The following FCHO2 variants were observed in gnomAD, a reference collection of about 807,000 sequenced individuals.
FCHO2 encodes the protein FCH and mu domain containing endocytic adaptor 2.
FCHO2 carries 43 observed loss-of-function variants against 114.1 expected under a neutral mutation model. The observed-to-expected ratio is 0.38, with a 90% CI of 0.30 to 0.49. The LOEUF is 0.49. Among genes scored for constraint, FCHO2 ranks in the 20% least tolerant of loss-of-function variants. The pLI, the probability that FCHO2 is intolerant of heterozygous loss-of-function variation, is 0.97. For synonymous variants in FCHO2, 293 were observed against 315.2 expected, an observed-to-expected ratio of 0.93 and a Z score of 0.75; for missense variants, 807 against 950.4, an observed-to-expected ratio of 0.85 and a Z score of 1.98.
intron 8 of FCHO2, chr5:73,021,347 G>C (rs1326017858): frequency 2.6e-6 from 1 of 388,000 alleles, no homozygotes; most frequent in East Asian, 5.7e-5. Context: ...AAGGAGGGAG[G>C]GTGAGAAAGG....
chr5:73,076,108 A>G (rs1007906347), intron 20 of FCHO2, among the ~76,000 whole-genome samples: 2 of 152,170 alleles, frequency 1.3e-5, no homozygotes, highest in South Asian at 2.1e-4. Flanking sequence ...GAGAGAACCA[A>G]TAGACCCGTG....
At position 73,085,350 on chromosome 5, in the gene FCHO2, A is replaced by T. The variant is rs143528734; in HGVS notation, c.2246-2239A>T. Among the ~76,000 whole-genome samples the T allele has an allele frequency of 3.6e-3, 542 of 152,308 alleles. 5 individuals carry two copies. Among genetic ancestry groups the T allele is most frequent in the African/African-American group, 0.013 (527 of 41,570 alleles). On this transcript the variant is annotated intron_variant, in intron 24 of 25. Coordinates refer to ENST00000430046, the MANE Select transcript of FCHO2 (RefSeq NM_138782.3). ...GCGCAGAGACTCCGTCTCAAAAAAT[A>T]AAAAAATGAGATACAAATTTTCTAA...
At chr5:73,052,662 GGCTTAATTTT>G (rs1757393891) in intron 13 of FCHO2, 155 bp downstream of exon 13, 1 of 648,888 alleles carries the variant, frequency 1.5e-6, no homozygotes, top group Non-Finnish European at 2.4e-6. Flanking sequence ...TTGTGAATTT[GGCTTAATTTT>G]GCTTTTGAAA....
chr5:72,989,416 T>G lies in FCHO2; in HGVS notation c.126-11T>G. 6.3e-7 allele frequency: 1 copy of G among 1,594,534 alleles called. No homozygotes were observed. Among genetic ancestry groups the G allele is most frequent in the Non-Finnish European group, 8.6e-7 (1 of 1,168,626 alleles). The stretch of plus-strand genomic sequence containing the variant: ...TAAGAAGTATTATGATGTGGATATT[T>G]GATTTAACAGAGCTACCATAGAGGA... On this transcript the variant is annotated splice_polypyrimidine_tract_variant and intron_variant, in intron 2 of 25. Coordinates refer to ENST00000430046, the MANE Select transcript of FCHO2 (RefSeq NM_138782.3).
intron 11 of FCHO2, among the ~76,000 whole-genome samples, chr5:73,048,870 CTTTT>C (rs764057424): frequency 1.9e-5 from 2 of 105,434 alleles, no homozygotes; most frequent in Non-Finnish European, 3.7e-5. Context: ...AATTTGCTAT[CTTTT>C]TTTTTTTTTT....
chr5:73,022,628 A>G (rs1237129024), intron 8 of FCHO2, among the ~76,000 whole-genome samples: 4 of 152,186 alleles, frequency 2.6e-5, no homozygotes, highest in Admixed American at 2.0e-4. Context: ...GTCACTGCCA[A>G]TATTGAGTGT....
intron 2 of FCHO2, among the ~76,000 whole-genome samples, chr5:72,984,961 G>C (rs1753426429): frequency 1.3e-5 from 2 of 152,046 alleles, no homozygotes; most frequent in African/African-American, 4.8e-5. Flanking sequence ...ACACTTGGTT[G>C]ATATGCCTTT....
chr5:73,046,321 C>T (rs1272846923), intron 11 of FCHO2, among the ~76,000 whole-genome samples: 1 of 152,024 alleles, frequency 6.6e-6, no homozygotes, highest in African/African-American at 2.4e-5. Context: ...CCTGTTTGAC[C>T]CCCCCAAAAT....
At chr5:72,960,335 A>G (rs1474744199) in intron 1 of FCHO2, among the ~76,000 whole-genome samples, 2 of 152,194 alleles carry the variant, frequency 1.3e-5, no homozygotes, top group Admixed American at 1.3e-4. Flanking sequence ...AACCTTTTAC[A>G]GAACAGGTGT....
chr5:73,086,932 C>T (rs1438609841), intron 24 of FCHO2, among the ~76,000 whole-genome samples: 1 of 152,164 alleles, frequency 6.6e-6, no homozygotes, highest in Non-Finnish European at 1.5e-5. Context: ...ATCCCCACCA[C>T]CATTTATAAT....
chr5:73,013,558 T>C (rs1755136739), intron 6 of FCHO2, among the ~76,000 whole-genome samples: 1 of 152,214 alleles, frequency 6.6e-6, no homozygotes, highest in South Asian at 2.1e-4. Context: ...CTGTGAGATA[T>C]TAATAGATGT....
At chr5:72,964,227 A>G (rs1301365769) in intron 1 of FCHO2, among the ~76,000 whole-genome samples, 1 of 152,180 alleles carries the variant, frequency 6.6e-6, no homozygotes, top group Non-Finnish European at 1.5e-5. Flanking sequence ...GCAGAGGTGA[A>G]CTATAATATA....
intron 11 of FCHO2, among the ~76,000 whole-genome samples, chr5:73,047,644 C>T (rs1757120582): frequency 6.6e-6 from 1 of 151,574 alleles, no homozygotes; most frequent in South Asian, 2.1e-4. Flanking sequence ...CCTGAGGATA[C>T]CAGAATCACT....
At chr5:73,027,939 T>C (rs1268925906) in intron 8 of FCHO2, among the ~76,000 whole-genome samples, 2 of 152,182 alleles carry the variant, frequency 1.3e-5, no homozygotes, top group African/African-American at 4.8e-5. Context: ...GGCTCACACC[T>C]GTAATCCCAG....
intron 19 of FCHO2, among the ~76,000 whole-genome samples, chr5:73,069,837 C>T (rs1177603411): frequency 6.6e-6 from 1 of 152,046 alleles, no homozygotes; most frequent in Non-Finnish European, 1.5e-5. Flanking sequence ...TCTACAAATT[C>T]TTACTACCTT....
chr5:73,076,654 A>G (rs1742923314), intron 20 of FCHO2, among the ~76,000 whole-genome samples: 1 of 152,168 alleles, frequency 6.6e-6, no homozygotes, highest in Non-Finnish European at 1.5e-5. Flanking sequence ...ACTGCAGAAT[A>G]TATGGATAAA....
chr5:73,087,626 A>G lies in FCHO2; in HGVS notation c.2283A>G (p.Glu761=). 6.2e-7 allele frequency: 1 copy of G among 1,613,898 alleles called. No homozygotes were observed. ...TCCGAGCAAAATTTGATCTTTCAGA[A>G]GGACCTAGTAAACCCACGACACTTG... ...GSLRAKFDLS[E]GPSKPTTLAV... The change falls in exon 25 of 26, where the codon GAA becomes GAG. Residue 761 remains glutamate, a synonymous_variant. Transcript: ENST00000430046.
chr5:73,011,682 G>A (rs1395122733), intron 6 of FCHO2, among the ~76,000 whole-genome samples: 2 of 152,016 alleles, frequency 1.3e-5, no homozygotes, highest in Non-Finnish European at 2.9e-5. Flanking sequence ...AGGGCGAGGT[G>A]GGCAGATCAC....
At position 73,051,357 on chromosome 5, in the gene FCHO2, T is replaced by C. The variant is rs1437927854; in HGVS notation, c.948T>C (p.Pro316=). Residue 316 remains proline (P), a synonymous_variant, in exon 12 of 26, where the codon CCT becomes CCC. Coordinates refer to ENST00000430046, the MANE Select transcript of FCHO2 (RefSeq NM_138782.3). ...ECPDADSLNI[P]DVDEEGYSIK... ...TTTTCTTTTTCCCTTAGAACATTCC[T>C]GATGTAGATGAAGAAGGCTACAGTA... 1 of 1,529,736 alleles carries C rather than the reference T, an allele frequency of 6.5e-7. No individual in the cohort carries two copies. Among genetic ancestry groups the C allele is most frequent in the Non-Finnish European group, 8.8e-7 (1 of 1,130,662 alleles). 94.8% of individuals were successfully genotyped at this position (1,529,736 alleles called of 1,614,324 possible).
Sources: gnomAD v4.1 joint callset for allele counts (sites outside exome capture counted in the v4.1 genomes callset) on GRCh38, gnomAD v4.1.1 for gene constraint, MANE v1.5 for transcripts, NCBI Gene and HGNC (gene_info 2026-07-23, HGNC 2026-07-21) for gene names.